CDKAL1: variants seen among roughly 807,000 people sequenced by gnomAD.
CDKAL1 encodes the protein threonylcarbamoyladenosine tRNA methylthiotransferase.
CDKAL1 carries 32 observed loss-of-function variants against 68.2 expected under a neutral mutation model. That is an observed-to-expected ratio of 0.47 (90% CI 0.35 to 0.63). The LOEUF (loss-of-function observed/expected upper bound fraction) is 0.63. Ranked by LOEUF, CDKAL1 falls within the 30% of genes least tolerant of loss-of-function variation. CDKAL1 has a pLI of 0.00. For missense variants in CDKAL1, 606 were observed against 696.7 expected (o/e 0.87, Z 1.47); for synonymous variants, 234 against 244.3 (o/e 0.96, Z 0.39).
chr6:21,077,547 A>C (rs191944300), intron 12 of CDKAL1, among the ~76,000 whole-genome samples: 1 of 152,360 alleles, frequency 6.6e-6, no homozygotes, highest in African/African-American at 2.4e-5. Context: ...GGGTGGCTTC[A>C]GGAAACTTAT....
chr6:20,840,987 T>C (rs1437045611), intron 8 of CDKAL1, among the ~76,000 whole-genome samples: 1 of 152,172 alleles, frequency 6.6e-6, no homozygotes, highest in Non-Finnish European at 1.5e-5. Flanking sequence ...TAAGGGCTTA[T>C]TATTTTGTAA....
At chr6:20,901,215 G>C (rs962744656) in intron 9 of CDKAL1, among the ~76,000 whole-genome samples, 2 of 152,118 alleles carry the variant, frequency 1.3e-5, no homozygotes, top group Non-Finnish European at 2.9e-5. Flanking sequence ...GTATTTCTGC[G>C]ACTGTTGCCT....
In CDKAL1 at chr6:21,201,128, C is replaced by G; in HGVS notation, c.1402C>G (p.Pro468Ala). The change falls in exon 15 of 16, where the codon CCT becomes GCT. Residue 468 changes from proline to alanine, a missense_variant. Physicochemically the swap from Pro to Ala is conservative, Grantham distance 27. Coordinates refer to ENST00000274695, the MANE Select transcript of CDKAL1 (RefSeq NM_017774.3). ...FYEQVLVPKN[P>A]AFMGKMVEVD... The stretch of plus-strand genomic sequence containing the variant: ...GTTTAAGGTTTTAGTGCCAAAGAAC[C>G]CTGCGTTCATGGGGAAGATGGTTGA... 6.2e-7 allele frequency: 1 copy of G among 1,612,068 alleles called. No homozygotes were observed. The highest frequency in any genetic ancestry group is 1.3e-5 in the African/African-American group (1 of 74,980).
At chr6:20,790,509 G>A (rs929069469) in intron 8 of CDKAL1, among the ~76,000 whole-genome samples, 1 of 152,166 alleles carries the variant, frequency 6.6e-6, no homozygotes, top group African/African-American at 2.4e-5. Context: ...ACTTGGTGAC[G>A]CTGGATTTTT....
intron 12 of CDKAL1, among the ~76,000 whole-genome samples, chr6:21,069,554 A>G (rs1479222946): frequency 6.6e-6 from 1 of 151,932 alleles, no homozygotes; most frequent in Non-Finnish European, 1.5e-5. Flanking sequence ...TCTTGGTTAT[A>G]TTTCATGAAG....
chr6:21,060,685 A>G (rs1771099117), intron 11 of CDKAL1, among the ~76,000 whole-genome samples: 1 of 152,122 alleles, frequency 6.6e-6, no homozygotes, highest in African/African-American at 2.4e-5. Flanking sequence ...TGCATATCAT[A>G]TATTTAGATG....
chr6:20,824,669 T>C (rs903084081), intron 8 of CDKAL1, among the ~76,000 whole-genome samples: 1 of 152,184 alleles, frequency 6.6e-6, no homozygotes, highest in Non-Finnish European at 1.5e-5. Context: ...TAATGTTATA[T>C]AATGTAATGA....
chr6:21,003,218 A>G (rs1389692400), intron 11 of CDKAL1, among the ~76,000 whole-genome samples: 1 of 150,528 alleles, frequency 6.6e-6, no homozygotes, highest in Non-Finnish European at 1.5e-5. Context: ...TAGATGAAAT[A>G]TTTTAGACTA....
chr6:21,120,994 T>G (rs1774681745), intron 13 of CDKAL1, among the ~76,000 whole-genome samples: 1 of 152,168 alleles, frequency 6.6e-6, no homozygotes, highest in Non-Finnish European at 1.5e-5. Context: ...ATCTAGATAT[T>G]AGATGTGTAC....
chr6:21,057,599 T>C (rs939837964), intron 11 of CDKAL1, among the ~76,000 whole-genome samples: 2 of 152,246 alleles, frequency 1.3e-5, no homozygotes, highest in East Asian at 1.9e-4. Context: ...CTAGTTTTTT[T>C]AGTTGTGATG....
At chr6:21,025,539 G>A (rs777943332) in intron 11 of CDKAL1, among the ~76,000 whole-genome samples, 6 of 152,116 alleles carry the variant, frequency 3.9e-5, no homozygotes, top group Non-Finnish European at 8.8e-5. Flanking sequence ...TTGGAGGCAT[G>A]TAGATTTGGG....
chr6:21,019,379 C>T (rs1484653957), intron 11 of CDKAL1, among the ~76,000 whole-genome samples: 5 of 152,170 alleles, frequency 3.3e-5, no homozygotes, highest in Admixed American at 6.5e-5. Context: ...ATCATTTCTA[C>T]AGTTGCCCAT....
At chr6:20,667,870 T>C (rs951484494) in intron 5 of CDKAL1, among the ~76,000 whole-genome samples, 3 of 152,202 alleles carry the variant, frequency 2.0e-5, no homozygotes, top group African/African-American at 7.2e-5. Context: ...TTTACCATAT[T>C]ATTTTACTTT....
At chr6:20,824,828 C>T (rs1170372344) in intron 8 of CDKAL1, among the ~76,000 whole-genome samples, 2 of 152,046 alleles carry the variant, frequency 1.3e-5, no homozygotes, top group African/African-American at 4.8e-5. Context: ...TGTTAAGAGG[C>T]TCATATAACA....
At chr6:20,821,119 C>T (rs1777259593) in intron 8 of CDKAL1, among the ~76,000 whole-genome samples, 1 of 151,902 alleles carries the variant, frequency 6.6e-6, no homozygotes, top group Non-Finnish European at 1.5e-5. Context: ...GGAGGGAGAG[C>T]GGTAGGAAAT....
intron 7 of CDKAL1, among the ~76,000 whole-genome samples, chr6:20,769,306 T>A (rs1774836638): frequency 7.2e-6 from 1 of 139,646 alleles, no homozygotes; most frequent in Non-Finnish European, 1.5e-5. Context: ...TCGCCCAGGC[T>A]GGAGTGCAGT....
At chr6:20,995,756 C>G (rs1373324371) in intron 10 of CDKAL1, among the ~76,000 whole-genome samples, 1 of 152,152 alleles carries the variant, frequency 6.6e-6, no homozygotes, top group African/African-American at 2.4e-5. Flanking sequence ...TTTCAACTTA[C>G]AGTCACCAGT....
chr6:21,027,823 G>A (rs1769045710), intron 11 of CDKAL1, among the ~76,000 whole-genome samples: 1 of 152,176 alleles, frequency 6.6e-6, no homozygotes, highest in South Asian at 2.1e-4. Context: ...TAAGTGGGGA[G>A]GTAAGACCAA....
rs184962241 is a variant in CDKAL1 at position 20,953,515 on chromosome 6, G to A, written c.743-1904G>A. ...CTGTTTTTATAACCTCTTTCAGAATGTTTTAAAATCTGTTTATGTTGTTAC... is the reference window on the plus strand; with the variant it reads ...CTGTTTTTATAACCTCTTTCAGAATATTTTAAAATCTGTTTATGTTGTTAC... On this transcript the variant is annotated intron_variant, in intron 9 of 15. Coordinates refer to ENST00000274695, the MANE Select transcript of CDKAL1 (RefSeq NM_017774.3). Among the ~76,000 whole-genome samples the A allele has an allele frequency of 4.2e-3, 636 of 152,202 alleles. 5 individuals carry two copies. The highest frequency in any genetic ancestry group is 0.015 in the African/African-American group (612 of 41,522).
Sources: allele counts gnomAD v4.1 joint callset (sites outside exome capture counted in the v4.1 genomes callset), GRCh38; gene constraint gnomAD v4.1.1; transcripts MANE v1.5; gene names NCBI Gene and HGNC (gene_info 2026-07-23, HGNC 2026-07-21).